The following DLG2 variants were observed in gnomAD, a reference collection of about 807,000 sequenced individuals.
DLG2 encodes disks large homolog 2.
In DLG2, 45 loss-of-function variants were observed where a neutral mutation model predicts 132.5. That is an observed-to-expected ratio of 0.34 (90% CI 0.27 to 0.44). DLG2 has a LOEUF of 0.44. DLG2 is among the 20% of genes least tolerant of loss of function. The probability of loss-of-function intolerance (pLI) is 1.00; values close to 1 mark genes in which losing one functional copy is unlikely to be tolerated. For missense variants in DLG2, 1,045 were observed against 1,196.9 expected (o/e 0.87, Z 1.87); for synonymous variants, 424 against 419.6 (o/e 1.01, Z -0.13).
intron 3 of DLG2, among the ~76,000 whole-genome samples, chr11:85,573,367 T>C (rs2077960938): frequency 6.6e-6 from 1 of 152,188 alleles, no homozygotes; most frequent in Non-Finnish European, 1.5e-5. Flanking sequence ...GTGCTTTATT[T>C]ACATATTTAT....
intron 6 of DLG2, among the ~76,000 whole-genome samples, chr11:85,099,253 A>G (rs902854625): frequency 2.0e-5 from 3 of 152,168 alleles, no homozygotes; most frequent in Non-Finnish European, 4.4e-5. Flanking sequence ...GCCTTGTGGA[A>G]CAGCTTTCGC....
chr11:84,896,214 G>A (rs1165374546), intron 6 of DLG2, among the ~76,000 whole-genome samples: 1 of 151,898 alleles, frequency 6.6e-6, no homozygotes, highest in Non-Finnish European at 1.5e-5. Flanking sequence ...ATATATTTAT[G>A]CCAGCAACAA....
chr11:84,740,363 A>G (rs953493195), intron 6 of DLG2, among the ~76,000 whole-genome samples: 1 of 152,136 alleles, frequency 6.6e-6, no homozygotes, highest in African/African-American at 2.4e-5. Context: ...CACTGGATAT[A>G]CTTACAATCC....
intron 7 of DLG2, among the ~76,000 whole-genome samples, chr11:84,530,447 T>A (rs2099333858): frequency 6.6e-6 from 1 of 151,774 alleles, no homozygotes; most frequent in Non-Finnish European, 1.5e-5. Flanking sequence ...AACAATCCTT[T>A]AAAAAAAGTG....
intron 3 of DLG2, among the ~76,000 whole-genome samples, chr11:85,372,872 A>T (rs2085098351): frequency 6.6e-6 from 1 of 152,138 alleles, no homozygotes; most frequent in Non-Finnish European, 1.5e-5. Flanking sequence ...AGAGAAGAGA[A>T]CCAGGGACAC....
intron 11 of DLG2, among the ~76,000 whole-genome samples, chr11:84,030,072 T>C (rs1467539052): frequency 6.6e-6 from 1 of 152,150 alleles, no homozygotes; most frequent in Non-Finnish European, 1.5e-5. Context: ...TCCTTACATA[T>C]TAATTTACCT....
chr11:83,669,834 T>C (rs1279622540), intron 18 of DLG2, among the ~76,000 whole-genome samples: 1 of 152,222 alleles, frequency 6.6e-6, no homozygotes, highest in Non-Finnish European at 1.5e-5. Flanking sequence ...ACTTTCTAGA[T>C]AACTGAATAA....
chr11:84,586,615 A>T (rs2099530564), intron 6 of DLG2, among the ~76,000 whole-genome samples: 1 of 152,186 alleles, frequency 6.6e-6, no homozygotes, highest in Non-Finnish European at 1.5e-5. Flanking sequence ...ATTTGTATGA[A>T]TATTGTTATA....
intron 8 of DLG2, among the ~76,000 whole-genome samples, chr11:84,188,913 CACT>C (rs1475999756): frequency 2.0e-5 from 3 of 152,178 alleles, no homozygotes; most frequent in African/African-American, 4.8e-5. Context: ...TTTGAAGTGT[CACT>C]GATTTCTCTA....
intron 6 of DLG2, among the ~76,000 whole-genome samples, chr11:85,053,994 C>T (rs1405460282): frequency 2.0e-5 from 3 of 150,948 alleles, no homozygotes; most frequent in African/African-American, 7.3e-5. Flanking sequence ...AGGCCAGGCA[C>T]GGTGGCTCAG....
chr11:83,623,091 G>A (rs2061889977), intron 19 of DLG2, among the ~76,000 whole-genome samples: 1 of 152,126 alleles, frequency 6.6e-6, no homozygotes, highest in African/African-American at 2.4e-5. Context: ...GAGTCCGGGT[G>A]CTCCAATGTT....
chr11:85,276,076 C>T (rs143289513), intron 4 of DLG2, among the ~76,000 whole-genome samples: 63 of 152,268 alleles, frequency 4.1e-4, no homozygotes, highest in African/African-American at 1.5e-3. Context: ...ATGTGTCAAG[C>T]TTGTATAGTA....
chr11:83,603,862 A>G (rs1264431623), intron 19 of DLG2, among the ~76,000 whole-genome samples: 1 of 152,186 alleles, frequency 6.6e-6, no homozygotes, highest in African/African-American at 2.4e-5. Context: ...CTCCATGTAT[A>G]GTATTCTAGA....
At chr11:84,653,167 T>G (rs1745434510) in intron 6 of DLG2, among the ~76,000 whole-genome samples, 2 of 152,132 alleles carry the variant, frequency 1.3e-5, no homozygotes, top group Admixed American at 1.3e-4. Flanking sequence ...TGACCTCAAG[T>G]GATCTTCCTG....
intron 5 of DLG2, among the ~76,000 whole-genome samples, chr11:85,112,866 A>G (rs1453745892): frequency 6.6e-6 from 1 of 152,068 alleles, no homozygotes; most frequent in African/African-American, 2.4e-5. Context: ...AATGGGAGGT[A>G]AGCCATGTCA....
rs571652075 is a variant in DLG2 at position 84,342,350 on chromosome 11, G to A, written c.520-91059C>T. 2.6e-5 allele frequency among the ~76,000 whole-genome samples: 4 copies of A among 152,312 alleles called. No homozygotes were observed. The East Asian group carries it at 7.7e-4, about 29-fold the overall frequency. On this transcript the variant is annotated intron_variant, in intron 7 of 27. Transcript: ENST00000376104. ...ACTAATACAGCAGGAGTGTAATCTA[G>A]GGCCCCTGTTGGAAGGAGCTATGGT...
chr11:84,767,483 C>T (rs967278280), intron 6 of DLG2, among the ~76,000 whole-genome samples: 1 of 151,978 alleles, frequency 6.6e-6, no homozygotes, highest in African/African-American at 2.4e-5. Context: ...AGAAGGTGCT[C>T]ATGATACATT....
intron 6 of DLG2, among the ~76,000 whole-genome samples, chr11:84,559,377 C>A (rs1345515724): frequency 6.6e-6 from 1 of 152,028 alleles, no homozygotes; most frequent in East Asian, 1.9e-4. Context: ...GAGACACAGA[C>A]AATGTGTGCA....
chr11:85,469,020 A>G (rs895753305), intron 3 of DLG2, among the ~76,000 whole-genome samples: 3 of 152,286 alleles, frequency 2.0e-5, no homozygotes, highest in Admixed American at 1.3e-4. Context: ...ACTCCATTCA[A>G]TATATGTTTA....
Sources: allele counts gnomAD v4.1 joint callset (sites outside exome capture counted in the v4.1 genomes callset), GRCh38; gene constraint gnomAD v4.1.1; transcripts MANE v1.5; gene names NCBI Gene and HGNC (gene_info 2026-07-23, HGNC 2026-07-21).